DCAF6: variants seen among roughly 807,000 people sequenced by gnomAD.
The protein encoded by DCAF6 is DDB1 and CUL4 associated factor 6, also known as DDB1- and CUL4-associated factor 6.
In DCAF6, 54 loss-of-function variants were observed where a neutral mutation model predicts 125.1. The observed-to-expected ratio is 0.43, with a 90% confidence interval of 0.35 to 0.54. The LOEUF (loss-of-function observed/expected upper bound fraction) is 0.54. Among genes scored for constraint, DCAF6 ranks in the 20% least tolerant of loss-of-function variants. The pLI is 0.01. For missense variants in DCAF6, 934 were observed against 1,161.7 expected (o/e 0.80, Z 2.85); for synonymous variants, 371 against 390.4 (o/e 0.95, Z 0.58).
At chr1:167,987,699 TTAAAAG>T (rs1370360997) in intron 5 of DCAF6, 91 bp downstream of exon 5, 2 of 672,248 alleles carry the variant, frequency 3.0e-6, no homozygotes, top group African/African-American at 3.6e-5. Flanking sequence ...AAGGTTATAA[TTAAAAG>T]TAAGTTATGT....
chr1:167,993,517 AG>A, intron 7 of DCAF6, 77 bp downstream of exon 7: 1 of 1,196,536 alleles, frequency 8.4e-7, no homozygotes, highest in Non-Finnish European at 1.2e-6. Flanking sequence ...TGGGAGGCCG[AG>A]GTGGGTGGAT....
At chr1:168,066,675 T>G (rs944693038) in intron 20 of DCAF6, among the ~76,000 whole-genome samples, 5 of 148,898 alleles carry the variant, frequency 3.4e-5, no homozygotes, top group African/African-American at 1.0e-4. Context: ...AATTATAATA[T>G]TCATCATCGG....
chr1:167,908,481 C>T, the DCAF6 span, among the ~76,000 whole-genome samples: 212 of 152,168 alleles, frequency 1.4e-3, no homozygotes, highest in Middle Eastern at 3.4e-3. Context: ...GGAGATCTAA[C>T]CTAGAGCAAG....
intron 12 of DCAF6, among the ~76,000 whole-genome samples, chr1:168,033,743 A>C (rs1203588638): frequency 6.6e-6 from 1 of 152,198 alleles, no homozygotes; most frequent in African/African-American, 2.4e-5. Context: ...GTGCTTCTGA[A>C]GCATGTTTCA....
chr1:167,939,622 G>A (rs1671918341), intron 1 of DCAF6, among the ~76,000 whole-genome samples: 1 of 152,172 alleles, frequency 6.6e-6, no homozygotes, highest in Non-Finnish European at 1.5e-5. Flanking sequence ...AATTAGCCGG[G>A]AGTGGTGGCG....
chr1:168,062,385 C>G (rs1019622038), intron 17 of DCAF6, among the ~76,000 whole-genome samples: 1 of 152,032 alleles, frequency 6.6e-6, no homozygotes, highest in Non-Finnish European at 1.5e-5. Flanking sequence ...TCAACTTTCC[C>G]GTATATGTGT....
chr1:168,033,499 A>G (rs559258420), intron 12 of DCAF6, among the ~76,000 whole-genome samples: 1 of 151,732 alleles, frequency 6.6e-6, no homozygotes, highest in South Asian at 2.1e-4. Flanking sequence ...GTATTTTTTT[A>G]GTAGAGACGG....
the DCAF6 span, chr1:167,918,334 C>CT: frequency 6.4e-7 from 1 of 1,567,800 alleles, no homozygotes; most frequent in Non-Finnish European, 8.8e-7. Flanking sequence ...TATTTGTGTG[C>CT]TTTAGCTTTT....
chr1:167,965,925 G>A (rs1488711360), intron 2 of DCAF6, among the ~76,000 whole-genome samples: 9 of 152,044 alleles, frequency 5.9e-5, no homozygotes, highest in African/African-American at 1.4e-4. Flanking sequence ...GTGAGCCACC[G>A]CGCCCGGCCT....
intron 21 of DCAF6, among the ~76,000 whole-genome samples, chr1:168,075,092 A>G (rs754046451): frequency 1.4e-4 from 21 of 152,218 alleles, no homozygotes; most frequent in Non-Finnish European, 2.6e-4. Context: ...AGAAACCTAG[A>G]CTCCAAAGAA....
the DCAF6 span, chr1:167,901,966 G>C: frequency 6.2e-7 from 1 of 1,608,326 alleles, no homozygotes; most frequent in Non-Finnish European, 8.5e-7. Context: ...AGAAGCACAG[G>C]CACCTCAGCA....
At chr1:167,908,647 T>C in the DCAF6 span, among the ~76,000 whole-genome samples, 1 of 152,224 alleles carries the variant, frequency 6.6e-6, no homozygotes. Flanking sequence ...AAACATCACA[T>C]TGTACACCAT....
rs763153779 is a variant in DCAF6 at position 168,068,481 on chromosome 1, A to G, written c.2791+18A>G. 3.0e-5 allele frequency: 37 copies of G among 1,253,260 alleles called. No homozygotes were observed. The highest frequency in any genetic ancestry group is 3.9e-5 in the Non-Finnish European group (36 of 932,942). The allele number at this position is 1,253,260 out of a possible 1,614,324, so 77.6% of individuals were successfully genotyped here. ...CCGAGCTGGTAGGAACTTTAAGTATACTACTAAAACCATTTTTATATTTGA... is the reference window on the plus strand; with the variant it reads ...CCGAGCTGGTAGGAACTTTAAGTATGCTACTAAAACCATTTTTATATTTGA... On this transcript the variant is annotated intron_variant, in intron 21 of 21. Transcript: ENST00000367840.
chr1:168,050,761 T>G (rs1689807580), intron 16 of DCAF6, 131 bp from the exon 17 acceptor site: 1 of 440,338 alleles, frequency 2.3e-6, no homozygotes, highest in Non-Finnish European at 4.0e-6. Context: ...ATGCCCGAAG[T>G]CACAAAGGGA....
chr1:167,870,231 C>T, the DCAF6 span: 8 of 1,613,366 alleles, frequency 5.0e-6, no homozygotes, highest in Non-Finnish European at 6.8e-6. Context: ...TGGGTTCACA[C>T]AGAACAATCA....
intron 17 of DCAF6, among the ~76,000 whole-genome samples, chr1:168,058,610 C>T (rs1029398530): frequency 1.3e-5 from 2 of 152,146 alleles, no homozygotes; most frequent in Non-Finnish European, 2.9e-5. Context: ...CTTGCTGTCA[C>T]CAGGCTGGAG....
the DCAF6 span, chr1:167,883,514 G>C: frequency 6.2e-7 from 1 of 1,614,226 alleles, no homozygotes; most frequent in Non-Finnish European, 8.5e-7. Flanking sequence ...TAGGCATCCT[G>C]GATGGCTGGG....
chr1:167,999,586 C>T (rs1257816567), intron 7 of DCAF6, among the ~76,000 whole-genome samples: 1 of 152,184 alleles, frequency 6.6e-6, no homozygotes, highest in Non-Finnish European at 1.5e-5. Context: ...GCTGCAGCTT[C>T]CACATCAGGA....
intron 17 of DCAF6, 121 bp from the exon 18 acceptor site, chr1:168,063,500 G>T: frequency 2.7e-6 from 2 of 752,604 alleles, no homozygotes; most frequent in Non-Finnish European, 3.8e-6. Context: ...TTGGTTGGGG[G>T]TGCCTTATTG....
Sources: allele counts gnomAD v4.1 joint callset (sites outside exome capture counted in the v4.1 genomes callset), GRCh38; gene constraint gnomAD v4.1.1; transcripts MANE v1.5; gene names NCBI Gene and HGNC (gene_info 2026-07-23, HGNC 2026-07-21).